LHPP: variants seen among roughly 807,000 people sequenced by gnomAD.
The protein encoded by LHPP is phospholysine phosphohistidine inorganic pyrophosphate phosphatase, also known as hLHPP.
LHPP carries 24 observed loss-of-function variants against 30.3 expected under a neutral mutation model. The observed-to-expected ratio is 0.79, with a 90% CI of 0.57 to 1.11. LHPP has a LOEUF of 1.11. Ranked by LOEUF, LHPP falls within the 50% of genes most tolerant of loss-of-function variation. The probability of loss-of-function intolerance (pLI) is 0.00; values close to 1 mark genes in which losing one functional copy is unlikely to be tolerated. For missense variants in LHPP, 356 were observed against 367.2 expected (o/e 0.97, Z 0.25); for synonymous variants, 150 against 157.1 (o/e 0.95, Z 0.34).
At chr10:124,575,692 C>T (rs1415494795) in intron 6 of LHPP, among the ~76,000 whole-genome samples, 1 of 152,164 alleles carries the variant, frequency 6.6e-6, no homozygotes, top group Non-Finnish European at 1.5e-5. Context: ...TCCTGGCCCC[C>T]TTTGTCCACT....
intron 5 of LHPP, among the ~76,000 whole-genome samples, chr10:124,511,872 G>A (rs1243879081): frequency 6.6e-6 from 1 of 152,142 alleles, no homozygotes. Context: ...TGGGGAGATG[G>A]GTAGTGAACA....
intron 6 of LHPP, among the ~76,000 whole-genome samples, chr10:124,555,341 A>T (rs1427622961): frequency 1.3e-5 from 2 of 152,136 alleles, no homozygotes; most frequent in Non-Finnish European, 2.9e-5. Context: ...CCCTAGAGTG[A>T]GATGGGGGCT....
At chr10:124,490,665 G>A (rs1213681804) in intron 3 of LHPP, 1 of 176,472 alleles carries the variant, frequency 5.7e-6, no homozygotes. Context: ...GATTGTTCCT[G>A]GTTTTTCACC....
intron 1 of LHPP, among the ~76,000 whole-genome samples, chr10:124,464,175 C>T (rs1952492808): frequency 1.3e-5 from 2 of 152,158 alleles, no homozygotes; most frequent in African/African-American, 4.8e-5. Flanking sequence ...TGTAAGGCCT[C>T]CTGTTGGCAT....
At chr10:124,535,557 G>C (rs1483581569) in intron 6 of LHPP, among the ~76,000 whole-genome samples, 1 of 148,466 alleles carries the variant, frequency 6.7e-6, no homozygotes, top group Non-Finnish European at 1.5e-5. Flanking sequence ...CACAATGCCT[G>C]GCTAATTAAA....
At chr10:124,602,941 G>A (rs1949043668) in intron 6 of LHPP, among the ~76,000 whole-genome samples, 1 of 152,230 alleles carries the variant, frequency 6.6e-6, no homozygotes, top group Admixed American at 6.5e-5. Flanking sequence ...GGGGGGCACA[G>A]GACCCCACCT....
chr10:124,509,101 A>C (rs1237242302), intron 5 of LHPP, among the ~76,000 whole-genome samples: 2 of 151,912 alleles, frequency 1.3e-5, no homozygotes, highest in East Asian at 3.9e-4. Context: ...TTTAGCCCCC[A>C]CTTATAAGTG....
chr10:124,543,878 C>T (rs2133948370), intron 6 of LHPP, among the ~76,000 whole-genome samples: 1 of 152,350 alleles, frequency 6.6e-6, no homozygotes, highest in South Asian at 2.1e-4. Flanking sequence ...AAAGGAACCA[C>T]AGTTAGCATT....
intron 6 of LHPP, among the ~76,000 whole-genome samples, chr10:124,526,472 T>C (rs1180284471): frequency 6.6e-6 from 1 of 152,170 alleles, no homozygotes; most frequent in Admixed American, 6.5e-5. Flanking sequence ...TCTGCCTGAC[T>C]CCAAGGCCTG....
rs1212413914 is a variant in LHPP at position 124,496,035 on chromosome 10, C to T, written c.468-926C>T. 1.3e-5 allele frequency among the ~76,000 whole-genome samples: 2 copies of T among 152,178 alleles called. No homozygotes were observed. The highest frequency in any genetic ancestry group is 2.9e-5 in the Non-Finnish European group (2 of 68,030). ...TGCATACGTGCTTTCTCCACGTCTC[C>T]CATATCGTAAGGGCATGGCAGGAGG... On this transcript the variant is annotated intron_variant, in intron 3 of 6. Transcript: ENST00000368842. This position sits in a 1 kb window ranked among gnomAD's most constrained non-coding sequence, Gnocchi z 4.3.
chr10:124,470,385 C>T (rs1952692552), intron 1 of LHPP, among the ~76,000 whole-genome samples: 1 of 152,070 alleles, frequency 6.6e-6, no homozygotes, highest in South Asian at 2.1e-4. Context: ...CAGGACCGCC[C>T]CGATCGATCG....
intron 1 of LHPP, among the ~76,000 whole-genome samples, chr10:124,465,789 C>G (rs1952536816): frequency 6.6e-6 from 1 of 152,224 alleles, no homozygotes; most frequent in African/African-American, 2.4e-5. Flanking sequence ...TCCCGAACTC[C>G]TGGCTTCAAG....
At chr10:124,524,380 G>A (rs10901748) in intron 6 of LHPP, among the ~76,000 whole-genome samples, 47,900 of 150,064 alleles carry the variant, frequency 0.32, 8,181 homozygotes, top group Non-Finnish European at 0.38. Context: ...AGGTTCAAGC[G>A]ATTCTCCTGC....
rs925628627 is a variant in LHPP, at chr10:124,576,820, G to A, written c.717-36444G>A. On this transcript the variant is annotated intron_variant, in intron 6 of 6. Transcript: ENST00000368842. This position sits in a 1 kb window ranked among gnomAD's most constrained non-coding sequence, Gnocchi z 4.2. ...CCTGCCCTCGTGCACCTGTCCTTCC[G>A]TAGCCCACGATACCTCATCCAGCCC... is the stretch of plus-strand genomic sequence containing the variant. 1.3e-5 allele frequency among the ~76,000 whole-genome samples: 2 copies of A among 151,584 alleles called. No individual in the cohort carries two copies. Among genetic ancestry groups the A allele is most frequent in the Non-Finnish European group, 2.9e-5 (2 of 67,862 alleles).
Position 124,596,110 on chromosome 10 carries a change from G to T in LHPP, c.717-17154G>T, listed in dbSNP as rs1263126594. On this transcript the variant is annotated intron_variant, in intron 6 of 6. Transcript: ENST00000368842. This position sits in a 1 kb window ranked among gnomAD's most constrained non-coding sequence, Gnocchi z 4.6. Reference sequence around the variant, plus strand: ...ACTCCATCCTACGGCATCCGTGGGTGATGTTTCATCACGAGGCTGGACCAC... The same window carrying T: ...ACTCCATCCTACGGCATCCGTGGGTTATGTTTCATCACGAGGCTGGACCAC... Among the ~76,000 whole-genome samples the T allele has an allele frequency of 6.6e-6, 1 of 152,212 alleles. No individual in the cohort carries two copies. Among genetic ancestry groups the T allele is most frequent in the Non-Finnish European group, 1.5e-5 (1 of 68,034 alleles).
chr10:124,465,108 C>A (rs1230385688), intron 1 of LHPP, among the ~76,000 whole-genome samples: 1 of 152,024 alleles, frequency 6.6e-6, no homozygotes, highest in Non-Finnish European at 1.5e-5. Flanking sequence ...ACGAGGGTGG[C>A]CTGTGCTAGA....
At position 124,576,010 on chromosome 10, in the gene LHPP, A is replaced by G. The variant is rs1390695076; in HGVS notation, c.717-37254A>G. 6.6e-6 allele frequency among the ~76,000 whole-genome samples: 1 copy of G among 152,098 alleles called. No homozygotes were observed. The highest frequency in any genetic ancestry group is 1.9e-4 in the East Asian group (1 of 5,184). ...CTTGGGGCCTGCTGTGATACATACT[A>G]ATCAGTGCTTCATGAGAAAGGTATG... On this transcript the variant is annotated intron_variant, in intron 6 of 6. Coordinates refer to ENST00000368842, the MANE Select transcript of LHPP (RefSeq NM_022126.4). This position sits in a 1 kb window ranked among gnomAD's most constrained non-coding sequence, Gnocchi z 4.2.
rs771879863 is a variant in LHPP at position 124,613,381 on chromosome 10, G to A, written c.*21G>A. The A allele has an allele frequency of 8.1e-5, 126 of 1,559,732 alleles. No individual in the cohort carries two copies. The highest frequency in any genetic ancestry group is 2.2e-4 in the Admixed American group (13 of 59,634). The stretch of plus-strand genomic sequence containing the variant: ...AGTGATGGCCTCCTGGGAGAGCCCC[G>A]CCTCCTCCACCCCTGCCTCTCCTCC... On this transcript the variant is annotated 3_prime_UTR_variant, in exon 7 of 7. Transcript: ENST00000368842.
At chr10:124,499,023 A>G (rs938204427) in intron 5 of LHPP, among the ~76,000 whole-genome samples, 33 of 149,430 alleles carry the variant, frequency 2.2e-4, no homozygotes, top group Non-Finnish European at 4.6e-4. Flanking sequence ...CTGGGACTAC[A>G]GGTGTGCACC....
Sources: allele counts gnomAD v4.1 joint callset (sites outside exome capture counted in the v4.1 genomes callset), GRCh38; gene constraint gnomAD v4.1.1; non-coding constraint Gnocchi (gnomAD v3.1); transcripts MANE v1.5; gene names NCBI Gene and HGNC (gene_info 2026-07-23, HGNC 2026-07-21).